Variants in SKAP1 observed in about 807,000 individuals in gnomAD.
The protein encoded by SKAP1 is src kinase-associated phosphoprotein 1.
A neutral mutation model predicts 58.5 loss-of-function variants in SKAP1; 44 were observed. That is an observed-to-expected ratio of 0.75 (90% CI 0.59 to 0.97). The LOEUF is 0.97. Among genes scored for constraint, SKAP1 ranks in the 50% least tolerant of loss-of-function variants. The probability of loss-of-function intolerance (pLI) is 0.00; values close to 1 mark genes in which losing one functional copy is unlikely to be tolerated. For synonymous variants in SKAP1, 127 were observed against 149.7 expected (o/e 0.85, Z 1.11); for missense variants, 390 against 435.2 (o/e 0.90, Z 0.92).
At chr17:48,246,993 CT>C (rs1251734013) in intron 4 of SKAP1, among the ~76,000 whole-genome samples, 1 of 152,228 alleles carries the variant, frequency 6.6e-6, no homozygotes, top group Non-Finnish European at 1.5e-5. Flanking sequence ...TCCCATCCCC[CT>C]GACTCATACC....
intron 3 of SKAP1, among the ~76,000 whole-genome samples, chr17:48,360,260 T>C (rs1335053752): frequency 6.6e-6 from 1 of 152,174 alleles, no homozygotes; most frequent in African/African-American, 2.4e-5. Context: ...CTAATATTCA[T>C]GAAGATTTTT....
At chr17:48,252,985 G>T (rs2065383083) in intron 4 of SKAP1, among the ~76,000 whole-genome samples, 1 of 152,110 alleles carries the variant, frequency 6.6e-6, no homozygotes, top group South Asian at 2.1e-4. Flanking sequence ...ACAAATTGTT[G>T]TCTAGGTTTT....
chr17:48,359,164 A>G (rs1376433188), intron 3 of SKAP1, among the ~76,000 whole-genome samples: 1 of 152,182 alleles, frequency 6.6e-6, no homozygotes, highest in Non-Finnish European at 1.5e-5. Context: ...CATGTATAAA[A>G]GTAGACAAAA....
chr17:48,388,533 A>G (rs958332022), intron 2 of SKAP1, among the ~76,000 whole-genome samples: 1 of 152,184 alleles, frequency 6.6e-6, no homozygotes, highest in Admixed American at 6.5e-5. Flanking sequence ...TACACCCACA[A>G]TCTAGTGGAT....
rs112025087 is a variant in SKAP1, at chr17:48,276,050, G to C, written c.280+69855C>G. Among the ~76,000 whole-genome samples the C allele has an allele frequency of 1.2e-4, 18 of 152,176 alleles. 2 individuals are homozygous for C. The highest frequency in any genetic ancestry group is 4.3e-4 in the African/African-American group (18 of 41,510). The stretch of plus-strand genomic sequence containing the variant: ...AAACATGCCCACCACAAAATACTAA[G>C]GTTGATCAGTCCCCAATGTCTTAAA... On this transcript the variant is annotated intron_variant, in intron 4 of 12. Coordinates refer to ENST00000336915, the MANE Select transcript of SKAP1 (RefSeq NM_003726.4).
In SKAP1 at chr17:48,430,147, G is replaced by C. The variant is rs780662815; in HGVS notation, c.-27C>G. 5 of 1,254,718 alleles carry C rather than the reference G, an allele frequency of 4.0e-6. No homozygotes were observed. The highest frequency in any genetic ancestry group is 5.0e-6 in the Non-Finnish European group (5 of 992,266). 77.7% of individuals were successfully genotyped at this position (1,254,718 alleles called of 1,614,324 possible). A position where few individuals can be genotyped will look rare whatever the true frequency, so the allele number is the denominator to read the frequency against. ...TGGCTGGGCGGGAGAGAGGCGGGAC[G>C]GGGCGCGGGCCCTGGTCGGGAGGCG... On this transcript the variant is annotated 5_prime_UTR_variant, in exon 1 of 13. Transcript: ENST00000336915.
At chr17:48,322,851 G>T (rs998036516) in intron 4 of SKAP1, among the ~76,000 whole-genome samples, 3 of 152,160 alleles carry the variant, frequency 2.0e-5, no homozygotes, top group Non-Finnish European at 4.4e-5. Context: ...ATCCCAGCAC[G>T]TTGGGAGGCC....
chr17:48,141,461 C>T (rs2063767278), intron 11 of SKAP1, among the ~76,000 whole-genome samples: 1 of 152,042 alleles, frequency 6.6e-6, no homozygotes, highest in Admixed American at 6.6e-5. Flanking sequence ...TCACTGCAAC[C>T]TCTGCCTCCT....
At chr17:48,429,997 A>G (rs2067897774) in intron 1 of SKAP1, 78 bp downstream of exon 1, 2 of 1,177,832 alleles carry the variant, frequency 1.7e-6, no homozygotes, top group Admixed American at 4.2e-5. Context: ...GCCGTAAAGA[A>G]AGCCTGGCCG....
rs187157475 is a variant in SKAP1, at chr17:48,367,956, T to C, written c.153-4142A>G. On this transcript the variant is annotated intron_variant, in intron 2 of 12. Transcript: ENST00000336915. ...AAATTCTGACAATAAAAATTATATGTAGAATTTGATGTGGAACAGTATGAA... is the reference window on the plus strand; with the variant it reads ...AAATTCTGACAATAAAAATTATATGCAGAATTTGATGTGGAACAGTATGAA... Among the ~76,000 whole-genome samples, 71 of 152,102 alleles carry C rather than the reference T, an allele frequency of 4.7e-4. 1 individual carries two copies. The highest frequency in any genetic ancestry group is 1.3e-3 in the Admixed American group (20 of 15,274).
intron 4 of SKAP1, among the ~76,000 whole-genome samples, chr17:48,200,789 A>G (rs2064718072): frequency 6.6e-6 from 1 of 152,236 alleles, no homozygotes; most frequent in Admixed American, 6.5e-5. Context: ...TAATTTCTGG[A>G]AGCCTAAAGA....
At chr17:48,283,692 C>T (rs2065796193) in intron 4 of SKAP1, among the ~76,000 whole-genome samples, 1 of 152,186 alleles carries the variant, frequency 6.6e-6, no homozygotes, top group Admixed American at 6.6e-5. Context: ...TGAGCGACGG[C>T]TGGATACAAG....
intron 4 of SKAP1, among the ~76,000 whole-genome samples, chr17:48,320,663 C>G (rs1598564161): frequency 6.6e-6 from 1 of 152,074 alleles, no homozygotes; most frequent in Non-Finnish European, 1.5e-5. Context: ...ACCTGTAATT[C>G]CAATGCTTTG....
chr17:48,434,036 G>A (rs1044082196), upstream of SKAP1, among the ~76,000 whole-genome samples: 4 of 152,236 alleles, frequency 2.6e-5, no homozygotes, highest in Non-Finnish European at 1.5e-5. Flanking sequence ...ACTGCAGAGG[G>A]CAGGCTCTGA....
At chr17:48,293,733 CTAAG>C (rs1460983583) in intron 4 of SKAP1, among the ~76,000 whole-genome samples, 1 of 152,152 alleles carries the variant, frequency 6.6e-6, no homozygotes, top group African/African-American at 2.4e-5. Context: ...TAGGAATAAG[CTAAG>C]TAAAGAGGGA....
chr17:48,142,055 TCA>T (rs1256999225), intron 11 of SKAP1, among the ~76,000 whole-genome samples: 1 of 152,264 alleles, frequency 6.6e-6, no homozygotes, highest in Non-Finnish European at 1.5e-5. Context: ...TGTCTTTGTC[TCA>T]GTGTCAATCA....
chr17:48,223,324 C>A, intron 4 of SKAP1, among the ~76,000 whole-genome samples: 1 of 152,056 alleles, frequency 6.6e-6, no homozygotes. Flanking sequence ...AGGGCCCTTC[C>A]AATTTTAGGT....
intron 12 of SKAP1, among the ~76,000 whole-genome samples, chr17:48,134,542 T>G (rs8078142): frequency 0.078 from 11,908 of 151,866 alleles, 540 homozygotes; most frequent in African/African-American, 0.1. Context: ...GGTCTCGAAC[T>G]CCTGACCTCG....
At chr17:48,386,067 C>T (rs1184304861) in intron 2 of SKAP1, among the ~76,000 whole-genome samples, 1 of 152,044 alleles carries the variant, frequency 6.6e-6, no homozygotes, top group African/African-American at 2.4e-5. Flanking sequence ...TTAGAGGAGA[C>T]ACGTGAAGAG....
Sources: gnomAD v4.1 joint callset for allele counts (sites outside exome capture counted in the v4.1 genomes callset) on GRCh38, gnomAD v4.1.1 for gene constraint, MANE v1.5 for transcripts, NCBI Gene and HGNC (gene_info 2026-07-23, HGNC 2026-07-21) for gene names.